Variants in DLGAP1 observed in about 807,000 individuals in gnomAD.
DLGAP1 encodes disks large-associated protein 1.
A neutral mutation model predicts 90.8 loss-of-function variants in DLGAP1; 11 were observed. The observed-to-expected ratio is 0.12, with a 90% CI of 0.08 to 0.20. The LOEUF is 0.20. Ranked by LOEUF, DLGAP1 falls within the 10% of genes least tolerant of loss-of-function variation. The probability of loss-of-function intolerance (pLI) is 1.00; values close to 1 mark genes in which losing one functional copy is unlikely to be tolerated. For synonymous variants in DLGAP1, 558 were observed against 540.7 expected, an observed-to-expected ratio of 1.03 and a Z score of -0.44; for missense variants, 1,050 against 1,333.8, an observed-to-expected ratio of 0.79 and a Z score of 3.31.
intron 2 of DLGAP1, among the ~76,000 whole-genome samples, chr18:4,082,380 G>A (rs969814913): frequency 5.4e-4 from 80 of 147,390 alleles, no homozygotes; most frequent in Admixed American, 1.3e-3. Flanking sequence ...ACATGGTGGC[G>A]CACACCTGTA....
chr18:3,972,705 C>G (rs934282796), intron 3 of DLGAP1, among the ~76,000 whole-genome samples: 3 of 152,174 alleles, frequency 2.0e-5, no homozygotes, highest in African/African-American at 7.2e-5. Context: ...TTATGTTGAG[C>G]TCTCAGCTTT....
At chr18:4,088,591 C>A (rs2075721842) in intron 2 of DLGAP1, among the ~76,000 whole-genome samples, 1 of 152,160 alleles carries the variant, frequency 6.6e-6, no homozygotes, top group Admixed American at 6.5e-5. Context: ...AGTAAATTCT[C>A]TTACCTTTCA....
chr18:4,402,634 T>C (rs1310311826), intron 1 of DLGAP1, among the ~76,000 whole-genome samples: 1 of 152,244 alleles, frequency 6.6e-6, no homozygotes, highest in Non-Finnish European at 1.5e-5. Context: ...ATTAGGATGT[T>C]ACCATTGTAG....
chr18:4,429,618 T>C (rs2083237313), intron 1 of DLGAP1, among the ~76,000 whole-genome samples: 2 of 152,228 alleles, frequency 1.3e-5, no homozygotes, highest in Non-Finnish European at 2.9e-5. Flanking sequence ...GATGCTTCTT[T>C]ACCACTTGTG....
At chr18:3,762,871 G>C (rs1027847283) in intron 5 of DLGAP1, among the ~76,000 whole-genome samples, 1 of 152,062 alleles carries the variant, frequency 6.6e-6, no homozygotes, top group African/African-American at 2.4e-5. Flanking sequence ...ATTTCTCTTT[G>C]ACAAGAAGGC....
intron 1 of DLGAP1, among the ~76,000 whole-genome samples, chr18:4,284,754 G>T (rs953641630): frequency 1.1e-4 from 16 of 152,240 alleles, no homozygotes; most frequent in African/African-American, 3.9e-4. Flanking sequence ...TATAGGAAGT[G>T]GACTGCAGGC....
chr18:3,753,668 C>T (rs1482673320), intron 5 of DLGAP1, among the ~76,000 whole-genome samples: 1 of 152,156 alleles, frequency 6.6e-6, no homozygotes, highest in Non-Finnish European at 1.5e-5. Context: ...CCTTGAGATC[C>T]TGCACAAGCA....
intron 1 of DLGAP1, among the ~76,000 whole-genome samples, chr18:4,389,005 T>C (rs760708058): frequency 2.0e-5 from 3 of 152,190 alleles, no homozygotes; most frequent in Non-Finnish European, 2.9e-5. Context: ...GTTCCACTTC[T>C]GGGTATATGG....
intron 7 of DLGAP1, among the ~76,000 whole-genome samples, chr18:3,706,811 T>TTCAGGAAAGCA (rs2061447335): frequency 6.6e-6 from 1 of 150,910 alleles, no homozygotes; most frequent in Non-Finnish European, 1.5e-5. Flanking sequence ...AGCAAGAAAC[T>TTCAGGAAAGCA]TCAGGAAAGC....
At chr18:3,627,544 C>A (rs1026060531) in intron 7 of DLGAP1, among the ~76,000 whole-genome samples, 1 of 152,058 alleles carries the variant, frequency 6.6e-6, no homozygotes, top group Non-Finnish European at 1.5e-5. Flanking sequence ...AATGGGTGGG[C>A]GTATCAGAAT....
chr18:4,357,057 CTG>C (rs376888491), intron 1 of DLGAP1, among the ~76,000 whole-genome samples: 1 of 141,304 alleles, frequency 7.1e-6, no homozygotes. Context: ...ATCTGTCTGT[CTG>C]TCTCTCTCTC....
At chr18:3,687,900 A>C (rs369474334) in intron 7 of DLGAP1, among the ~76,000 whole-genome samples, 3 of 150,180 alleles carry the variant, frequency 2.0e-5, no homozygotes, top group East Asian at 2.0e-4. Flanking sequence ...CCCAATCCTC[A>C]GAGACTGTTT....
At chr18:3,702,524 C>T (rs2061314958) in intron 7 of DLGAP1, among the ~76,000 whole-genome samples, 1 of 152,160 alleles carries the variant, frequency 6.6e-6, no homozygotes, top group African/African-American at 2.4e-5. Flanking sequence ...TTGTGGACTT[C>T]CTGCATGCAG....
intron 1 of DLGAP1, among the ~76,000 whole-genome samples, chr18:4,166,459 T>A (rs1216363504): frequency 6.6e-6 from 1 of 152,194 alleles, no homozygotes; most frequent in East Asian, 1.9e-4. Flanking sequence ...CTATGGAGGC[T>A]GAGGCAGGAG....
intron 5 of DLGAP1, among the ~76,000 whole-genome samples, chr18:3,768,318 G>C (rs1323181368): frequency 6.6e-6 from 1 of 152,080 alleles, no homozygotes; most frequent in Non-Finnish European, 1.5e-5. Flanking sequence ...AATAAATGGA[G>C]ACACATAGCA....
chr18:4,276,103 T>C (rs551580385), intron 1 of DLGAP1, among the ~76,000 whole-genome samples: 5 of 147,998 alleles, frequency 3.4e-5, no homozygotes, highest in Non-Finnish European at 7.4e-5. Flanking sequence ...TAGTTTTGTC[T>C]ATTGTCCAAG....
At chr18:3,732,295 C>T (rs894341153) in intron 6 of DLGAP1, among the ~76,000 whole-genome samples, 1 of 152,214 alleles carries the variant, frequency 6.6e-6, no homozygotes, top group Non-Finnish European at 1.5e-5. Context: ...TCAGGAGGCA[C>T]ATTATGTCTA....
Position 4,430,502 on chromosome 18 carries a change from C to G in DLGAP1, c.-267+24504G>C, listed in dbSNP as rs371815266. ...TTTTCTGGTAAATAGTCTTGTGTGT[C>G]TGTGTGTGTGTGTGTGTGTGTGTGT... On this transcript the variant is annotated intron_variant, in intron 1 of 12. Transcript: ENST00000315677. 1.4e-3 allele frequency: 195 copies of G among 142,638 alleles called. 2 individuals are homozygous for G. In the South Asian group the frequency reaches 0.022, roughly 16 times the overall value. 8.8% of individuals were successfully genotyped at this position (142,638 alleles called of 1,614,324 possible).
At chr18:3,925,094 A>G (rs1224685213) in intron 3 of DLGAP1, among the ~76,000 whole-genome samples, 2 of 152,018 alleles carry the variant, frequency 1.3e-5, no homozygotes, top group Non-Finnish European at 2.9e-5. Context: ...CTAGGACTAC[A>G]GGCGTGCCAC....
Sources: allele counts gnomAD v4.1 joint callset (sites outside exome capture counted in the v4.1 genomes callset), GRCh38; gene constraint gnomAD v4.1.1; transcripts MANE v1.5; gene names NCBI Gene and HGNC (gene_info 2026-07-23, HGNC 2026-07-21).